The following ZGRF1 variants were observed in gnomAD, a reference collection of about 807,000 sequenced individuals.
ZGRF1 encodes the protein zinc finger GRF-type containing 1, also known as 5'-3' DNA helicase ZGRF1.
Under a neutral mutation model 203.5 loss-of-function variants are expected in ZGRF1, and 196 were observed. The ratio of observed to expected loss-of-function variants is 0.96; its 90% CI spans 0.86 to 1.08. The LOEUF is 1.08. Among genes scored for constraint, ZGRF1 ranks in the 50% least tolerant of loss-of-function variants. The pLI, the probability that ZGRF1 is intolerant of heterozygous loss-of-function variation, is 0.00. For synonymous variants in ZGRF1, 809 were observed against 841.3 expected (o/e 0.96, Z 0.66); for missense variants, 2,326 against 2,416.3 (o/e 0.96, Z 0.78).
chr4:112,561,677 G>C (rs1742004310), intron 18 of ZGRF1: 1 of 152,192 alleles, frequency 6.6e-6, no homozygotes, highest in South Asian at 2.1e-4. Flanking sequence ...AATTCAAAAT[G>C]AGATATGGCT....
At chr4:112,563,982 T>G (rs1742519252) in intron 16 of ZGRF1, among the ~76,000 whole-genome samples, 2 of 152,130 alleles carry the variant, frequency 1.3e-5, no homozygotes, top group African/African-American at 4.8e-5. Context: ...CTTAATACAC[T>G]GGCAATCAAA....
intron 2 of ZGRF1, 56 bp from the exon 3 acceptor site, chr4:112,632,066 G>A: frequency 2.4e-6 from 2 of 820,418 alleles, no homozygotes; most frequent in Non-Finnish European, 3.6e-6. Context: ...TTAATGTTAT[G>A]TATTTTATAT....
At chr4:112,598,262 A>G (rs1749367872) in intron 10 of ZGRF1, among the ~76,000 whole-genome samples, 1 of 152,204 alleles carries the variant, frequency 6.6e-6, no homozygotes, top group African/African-American at 2.4e-5. Context: ...GAATTCCTGT[A>G]TTAAGGAGTA....
rs1737261972 is a variant in ZGRF1, at chr4:112,540,100, C to T, written c.5935G>A (p.Asp1979Asn). 6.3e-7 allele frequency: 1 copy of T among 1,583,874 alleles called. No homozygotes were observed. The highest frequency in any genetic ancestry group is 1.3e-5 in the African/African-American group (1 of 74,472). Residue 1979 changes from aspartate (D) to asparagine (N), a missense_variant, in exon 27 of 28, where the codon GAC becomes AAC. By Grantham distance (23) the Asp-to-Asn change is conservative (BLOSUM62 1). Coordinates refer to ENST00000505019, the MANE Select transcript of ZGRF1 (RefSeq NM_018392.5). ...GTTTTAATATCAGGATGGTGAAAGT[C>T]CACAGCACTGAGTAAATGACAAAGC... is the stretch of plus-strand genomic sequence containing the variant. ...YKLCHLLSAV[D>N]FHHPDIKTVQ...
intron 22 of ZGRF1, among the ~76,000 whole-genome samples, chr4:112,551,012 A>G (rs963540105): frequency 6.6e-6 from 1 of 152,296 alleles, no homozygotes; most frequent in Non-Finnish European, 1.5e-5. Flanking sequence ...AAAAAGCTAT[A>G]GTATATATAG....
At chr4:112,587,223 G>C in intron 12 of ZGRF1, 57 bp downstream of exon 12, 1 of 1,494,392 alleles carries the variant, frequency 6.7e-7, no homozygotes, top group South Asian at 1.3e-5. Context: ...TTCTTTTGTT[G>C]AAATTCAGAC....
intron 10 of ZGRF1, among the ~76,000 whole-genome samples, chr4:112,600,353 A>C (rs536263611): frequency 1.3e-5 from 2 of 152,262 alleles, no homozygotes; most frequent in East Asian, 3.9e-4. Flanking sequence ...TTCTTAAGAT[A>C]CAAAAGCGCT....
At chr4:112,622,278 G>A (rs1279424334) in intron 4 of ZGRF1, among the ~76,000 whole-genome samples, 2 of 151,532 alleles carry the variant, frequency 1.3e-5, no homozygotes, top group Non-Finnish European at 2.9e-5. Context: ...CAGCACTTTA[G>A]GAGGCCAAGG....
chr4:112,560,773 C>T lies in ZGRF1; in HGVS notation c.4920G>A (p.Lys1640=). ...MASHESIEEV[K]ELQTHTFPIT... is the part of the protein sequence containing the mutation. The stretch of plus-strand genomic sequence containing the variant: ...TAGGGAAGGTATGAGTTTGCAGTTC[C>T]TTCACTTCTTCAATGCTTTCATGTG... The change falls in exon 19 of 28, where the codon AAG becomes AAA. Residue 1640 remains lysine, a synonymous_variant. Transcript: ENST00000505019. 2 of 1,600,738 alleles carry T rather than the reference C, an allele frequency of 1.2e-6. No homozygotes were observed. The highest frequency in any genetic ancestry group is 1.7e-6 in the Non-Finnish European group (2 of 1,168,962).
rs1216053384 is a variant in ZGRF1, at chr4:112,636,859, T to C, written c.-75A>G. On this transcript the variant is annotated 5_prime_UTR_variant, in exon 1 of 28. Transcript: ENST00000505019. ...GAAACACTTCACCTCACCTGTCAAA[T>C]TGCACAAAATCCACTTTCGAATTTC... 1 of 152,204 alleles carries C rather than the reference T, an allele frequency of 6.6e-6. No individual in the cohort carries two copies. Among genetic ancestry groups the C allele is most frequent in the Non-Finnish European group, 1.5e-5 (1 of 68,054 alleles). 9.4% of individuals were successfully genotyped at this position (152,204 alleles called of 1,614,324 possible).
chr4:112,560,768 A>G lies in ZGRF1; in HGVS notation c.4925T>C (p.Leu1642Pro), dbSNP rs773838275. The G allele has an allele frequency of 1.3e-6, 2 of 1,597,986 alleles. No individual in the cohort carries two copies. Among genetic ancestry groups the G allele is most frequent in the East Asian group, 4.5e-5 (2 of 44,388 alleles). ...TGTGATAGGGAAGGTATGAGTTTGC[A>G]GTTCCTTCACTTCTTCAATGCTTTC... ...SHESIEEVKELQTHTFPITII... is the reference protein window; with the variant it reads ...SHESIEEVKEPQTHTFPITII... Residue 1642 changes from leucine to proline, a missense_variant, in exon 19 of 28, where the codon CTG (leucine) becomes CCG (proline). Transcript: ENST00000505019.
At chr4:112,603,020 C>A (rs1012790796) in intron 10 of ZGRF1, among the ~76,000 whole-genome samples, 3 of 151,184 alleles carry the variant, frequency 2.0e-5, no homozygotes, top group African/African-American at 7.3e-5. Context: ...GCTTTTTTTT[C>A]TTTATTTCTT....
At chr4:112,541,053 T>C in intron 25 of ZGRF1, 39 bp downstream of exon 25, 2 of 1,549,456 alleles carry the variant, frequency 1.3e-6, no homozygotes, top group Non-Finnish European at 1.8e-6. Context: ...ACCAGGAACC[T>C]AAACCATGTT....
At chr4:112,583,283 G>C (rs1195854561) in intron 15 of ZGRF1, among the ~76,000 whole-genome samples, 2 of 152,078 alleles carry the variant, frequency 1.3e-5, no homozygotes. Context: ...CCAAAAAGTA[G>C]CATTCTATTA....
chr4:112,617,558 A>T lies in ZGRF1; in HGVS notation c.2484T>A (p.Ile828=). 1 of 1,613,694 alleles carries T rather than the reference A, an allele frequency of 6.2e-7. No individual in the cohort carries two copies. Residue 828 remains isoleucine (I), a synonymous_variant, in exon 6 of 28, where the codon ATT becomes ATA. Coordinates refer to ENST00000505019, the MANE Select transcript of ZGRF1 (RefSeq NM_018392.5). ...TACTGTGTTCACATAGCGACTTTAA[A>T]ATAGAAATGGTATTTACTAATCCAG... ...ELSGLVNTIS[I]LKSLCEHSTA...
chr4:112,600,293 T>C (rs1578408611), intron 10 of ZGRF1, among the ~76,000 whole-genome samples: 1 of 152,270 alleles, frequency 6.6e-6, no homozygotes, highest in South Asian at 2.1e-4. Context: ...TTCAGGCTCC[T>C]GAAGTGCTGG....
chr4:112,612,186 G>A (rs180930002), intron 7 of ZGRF1, among the ~76,000 whole-genome samples: 11 of 152,166 alleles, frequency 7.2e-5, no homozygotes, highest in Admixed American at 1.3e-4. Context: ...GGCTGGTCTC[G>A]AATTCCTGAC....
intron 4 of ZGRF1, among the ~76,000 whole-genome samples, chr4:112,623,152 C>T (rs1014686398): frequency 6.6e-6 from 1 of 152,170 alleles, no homozygotes; most frequent in African/African-American, 2.4e-5. Context: ...TAATGACCTC[C>T]AGCTCCATCC....
At chr4:112,555,716 A>G (rs1740804854) in intron 20 of ZGRF1, among the ~76,000 whole-genome samples, 1 of 152,190 alleles carries the variant, frequency 6.6e-6, no homozygotes, top group Non-Finnish European at 1.5e-5. Context: ...ATTAATCAAT[A>G]GGAAAACATT....
Sources: allele counts gnomAD v4.1 joint callset (sites outside exome capture counted in the v4.1 genomes callset), GRCh38; gene constraint gnomAD v4.1.1; transcripts MANE v1.5; gene names NCBI Gene and HGNC (gene_info 2026-07-23, HGNC 2026-07-21).